The following DNAAF9 variants were observed in gnomAD, a reference collection of about 807,000 sequenced individuals.
DNAAF9 encodes the protein shulin.
In DNAAF9, 90 loss-of-function variants were observed where a neutral mutation model predicts 167.0. The observed-to-expected ratio is 0.54, with a 90% confidence interval of 0.45 to 0.64. DNAAF9 has a LOEUF of 0.64. Ranked by LOEUF, DNAAF9 falls within the 30% of genes least tolerant of loss-of-function variation. The pLI, the probability that DNAAF9 is intolerant of heterozygous loss-of-function variation, is 0.00. For missense variants in DNAAF9, 1,315 were observed against 1,442.2 expected, an observed-to-expected ratio of 0.91 and a Z score of 1.43; for synonymous variants, 491 against 508.8, an observed-to-expected ratio of 0.96 and a Z score of 0.47.
In DNAAF9 at chr20:3,359,547, T is replaced by A; in HGVS notation, c.659A>T (p.Asp220Val). 1 of 1,612,594 alleles carries A rather than the reference T, an allele frequency of 6.2e-7. No homozygotes were observed. The highest frequency in any genetic ancestry group is 8.5e-7 in the Non-Finnish European group (1 of 1,179,448). Reference protein sequence around the residue: ...LNLWNVYSKMDPMSLESLLSD... With the variant: ...LNLWNVYSKMVPMSLESLLSD... ...AAGCAAACTCTCCAGAGACATAGGATCCATCTTGCTGTAGACATTCCATAG... is the reference window on the plus strand; with the variant it reads ...AAGCAAACTCTCCAGAGACATAGGAACCATCTTGCTGTAGACATTCCATAG... The change falls in exon 7 of 37, where the codon GAT becomes GTT. Residue 220 changes from aspartate (D) to valine (V), a missense_variant. By Grantham distance (152) the Asp-to-Val change is radical. Transcript: ENST00000252032.
At chr20:3,393,222 G>A (rs1276272177) in intron 1 of DNAAF9, among the ~76,000 whole-genome samples, 1 of 151,872 alleles carries the variant, frequency 6.6e-6, no homozygotes, top group Non-Finnish European at 1.5e-5. Context: ...CTGTTGCCCA[G>A]GCTAGAGTAA....
chr20:3,311,020 T>G (rs1323908433), intron 20 of DNAAF9, among the ~76,000 whole-genome samples: 1 of 152,198 alleles, frequency 6.6e-6, no homozygotes, highest in Non-Finnish European at 1.5e-5. Flanking sequence ...GGGCTCATAC[T>G]AAAATTCCAA....
intron 29 of DNAAF9, among the ~76,000 whole-genome samples, chr20:3,275,491 A>G (rs1407378347): frequency 6.6e-6 from 1 of 152,192 alleles, no homozygotes; most frequent in African/African-American, 2.4e-5. Flanking sequence ...TCTGCTGCAC[A>G]TGTACCATAT....
intron 34 of DNAAF9, among the ~76,000 whole-genome samples, 169 bp downstream of exon 34, chr20:3,255,837 G>C: frequency 6.6e-6 from 1 of 152,246 alleles, no homozygotes; most frequent in Non-Finnish European, 1.5e-5. Flanking sequence ...TTTGCTCTCA[G>C]TGGCTTCCTC....
chr20:3,381,344 C>T, intron 3 of DNAAF9, 35 bp downstream of exon 3: 1 of 1,542,562 alleles, frequency 6.5e-7, no homozygotes. Context: ...ACCTCTTACT[C>T]TTCTATCACA....
At chr20:3,385,105 T>A (rs2083715631) in intron 1 of DNAAF9, among the ~76,000 whole-genome samples, 1 of 152,054 alleles carries the variant, frequency 6.6e-6, no homozygotes, top group Admixed American at 6.6e-5. Context: ...AAGCAAAGTT[T>A]GTAATTACAC....
At chr20:3,296,750 G>T in intron 23 of DNAAF9, 111 bp downstream of exon 23, 1 of 718,934 alleles carries the variant, frequency 1.4e-6, no homozygotes, top group Non-Finnish European at 2.5e-6. Context: ...TGTCTGTGTT[G>T]ACCCTTTCAG....
At chr20:3,307,187 G>C (rs1470545497) in intron 20 of DNAAF9, 4 of 980,956 alleles carry the variant, frequency 4.1e-6, no homozygotes, top group Non-Finnish European at 4.8e-6. Context: ...AGACTCTGAA[G>C]CCTCAAAACA....
intron 1 of DNAAF9, among the ~76,000 whole-genome samples, chr20:3,388,988 G>A (rs2083787908): frequency 6.6e-6 from 1 of 152,118 alleles, no homozygotes; most frequent in South Asian, 2.1e-4. Context: ...GTTTTTCTGA[G>A]ACAGAGTTTC....
At chr20:3,359,450 G>A (rs2083331181) in intron 7 of DNAAF9, 66 bp downstream of exon 7, 2 of 1,001,896 alleles carry the variant, frequency 2.0e-6, no homozygotes, top group Middle Eastern at 4.1e-4. Flanking sequence ...TCAAATTAAA[G>A]ATCACTAGCA....
intron 16 of DNAAF9, among the ~76,000 whole-genome samples, chr20:3,320,714 C>A (rs1402501950): frequency 6.6e-6 from 1 of 152,152 alleles, no homozygotes; most frequent in African/African-American, 2.4e-5. Flanking sequence ...AAAAAAATTA[C>A]CCTTGTTGTG....
Position 3,397,247 on chromosome 20 carries a change from CAA to C in DNAAF9, c.83+10226_83+10227del, listed in dbSNP as rs563829447. ...GGGTGACAAGAGTGAGACCCCGTAT[CAA>C]AAAAAAAAAAAAAGAGTCTACTGTA... On this transcript the variant is annotated intron_variant, in intron 1 of 36. Transcript: ENST00000252032. 8.5e-3 allele frequency among the ~76,000 whole-genome samples: 1,022 copies of C among 119,902 alleles called. 9 individuals are homozygous for C. The highest frequency in any genetic ancestry group is 0.029 in the African/African-American group (930 of 32,626). 78.7% of individuals were successfully genotyped at this position (119,902 alleles called of 152,430 possible). A position where few individuals can be genotyped will look rare whatever the true frequency, so the allele number is the denominator to read the frequency against.
intron 10 of DNAAF9, among the ~76,000 whole-genome samples, chr20:3,337,035 A>G (rs2069970472): frequency 6.6e-6 from 1 of 151,080 alleles, no homozygotes; most frequent in African/African-American, 2.4e-5. Context: ...GCCTGCCACC[A>G]CACCCAGCTA....
intron 29 of DNAAF9, among the ~76,000 whole-genome samples, chr20:3,272,514 C>T (rs1172988817): frequency 6.6e-6 from 1 of 152,160 alleles, no homozygotes; most frequent in Non-Finnish European, 1.5e-5. Context: ...CGGGCGTGAG[C>T]CACGGCACCC....
chr20:3,394,507 C>T (rs2083871641), intron 1 of DNAAF9, among the ~76,000 whole-genome samples: 1 of 152,030 alleles, frequency 6.6e-6, no homozygotes, highest in Non-Finnish European at 1.5e-5. Flanking sequence ...TCCTCTTGTG[C>T]CTTCCCCAGT....
At chr20:3,330,807 T>TTG in intron 11 of DNAAF9, 125 bp from the exon 12 acceptor site, 1 of 609,676 alleles carries the variant, frequency 1.6e-6, no homozygotes, top group Non-Finnish European at 2.9e-6. Context: ...TTTTTTTTTT[T>TTG]TTGAGACACA....
intron 1 of DNAAF9, among the ~76,000 whole-genome samples, chr20:3,397,847 G>A (rs1302844939): frequency 6.6e-6 from 1 of 152,114 alleles, no homozygotes; most frequent in Non-Finnish European, 1.5e-5. Flanking sequence ...CATGCTTCTA[G>A]ATTCAATATA....
At chr20:3,260,397 C>T (rs1012875071) in intron 31 of DNAAF9, among the ~76,000 whole-genome samples, 2 of 152,208 alleles carry the variant, frequency 1.3e-5, no homozygotes, top group African/African-American at 4.8e-5. Context: ...ACATCTATGC[C>T]ATTTTGCACA....
chr20:3,288,738 T>C (rs1253393365), intron 26 of DNAAF9, among the ~76,000 whole-genome samples: 2 of 152,194 alleles, frequency 1.3e-5, no homozygotes, highest in Non-Finnish European at 2.9e-5. Flanking sequence ...AAGGGTTGTT[T>C]GGTAATCTGA....
Sources: allele counts gnomAD v4.1 joint callset (sites outside exome capture counted in the v4.1 genomes callset), GRCh38; gene constraint gnomAD v4.1.1; transcripts MANE v1.5; gene names NCBI Gene and HGNC (gene_info 2026-07-23, HGNC 2026-07-21).